SRBD1: variants seen among roughly 807,000 people sequenced by gnomAD.
The protein encoded by SRBD1 is S1 RNA-binding domain-containing protein 1.
In SRBD1, 88 loss-of-function variants were observed where a neutral mutation model predicts 115.3. The ratio of observed to expected loss-of-function variants is 0.76; its 90% CI spans 0.64 to 0.91. The LOEUF (loss-of-function observed/expected upper bound fraction) is 0.91, where lower values mean the gene tolerates loss of function less well. Among genes scored for constraint, SRBD1 ranks in the 40% least tolerant of loss-of-function variants. The probability of loss-of-function intolerance (pLI) is 0.00; values close to 1 mark genes in which losing one functional copy is unlikely to be tolerated. For synonymous variants in SRBD1, 509 were observed against 407.7 expected (o/e 1.25, Z -2.99); for missense variants, 1,385 against 1,177.4 (o/e 1.18, Z -2.58).
intron 14 of SRBD1, among the ~76,000 whole-genome samples, chr2:45,493,036 C>T (rs1370903325): frequency 6.6e-6 from 1 of 152,184 alleles, no homozygotes; most frequent in Admixed American, 6.5e-5. Context: ...TATTAGAATT[C>T]TTCAGGCTCT....
intron 16 of SRBD1, among the ~76,000 whole-genome samples, chr2:45,467,122 A>T (rs1427411774): frequency 6.6e-6 from 1 of 152,236 alleles, no homozygotes; most frequent in Non-Finnish European, 1.5e-5. Context: ...CTGGGAAGCA[A>T]GTGAAAGAAT....
chr2:45,590,743 G>A (rs1332955857), intron 4 of SRBD1, among the ~76,000 whole-genome samples: 1 of 152,162 alleles, frequency 6.6e-6, no homozygotes, highest in African/African-American at 2.4e-5. Context: ...CTGGCCAGGT[G>A]CGGTGGCTCA....
At chr2:45,574,757 A>G in intron 7 of SRBD1, 34 bp from the exon 8 acceptor site, 1 of 1,538,802 alleles carries the variant, frequency 6.5e-7, no homozygotes, top group Non-Finnish European at 8.9e-7. Flanking sequence ...AAACAAAAAC[A>G]AAAAGTATAC....
chr2:45,444,099 A>C (rs1668750268), intron 16 of SRBD1, among the ~76,000 whole-genome samples: 1 of 152,132 alleles, frequency 6.6e-6, no homozygotes, highest in African/African-American at 2.4e-5. Context: ...CAGTACTAAC[A>C]CCAGAACATA....
intron 16 of SRBD1, among the ~76,000 whole-genome samples, chr2:45,462,175 C>T (rs898598137): frequency 3.9e-5 from 6 of 152,190 alleles, no homozygotes; most frequent in African/African-American, 1.4e-4. Context: ...CAGCGAATCA[C>T]GCTGTGGTTA....
chr2:45,514,294 G>A (rs151204994), intron 14 of SRBD1, among the ~76,000 whole-genome samples: 7 of 152,126 alleles, frequency 4.6e-5, no homozygotes, highest in African/African-American at 1.4e-4. Flanking sequence ...TCAACGAAGT[G>A]GTGAAATAGT....
At chr2:45,448,688 T>G (rs2103734879) in intron 16 of SRBD1, among the ~76,000 whole-genome samples, 1 of 152,260 alleles carries the variant, frequency 6.6e-6, no homozygotes, top group Non-Finnish European at 1.5e-5. Context: ...AGATAACTAT[T>G]TTTCACCTCT....
chr2:45,449,283 T>G (rs1190237792), intron 16 of SRBD1, among the ~76,000 whole-genome samples: 3 of 152,202 alleles, frequency 2.0e-5, no homozygotes, highest in Non-Finnish European at 4.4e-5. Flanking sequence ...GTCTGCACAC[T>G]GAAACAGTTA....
intron 19 of SRBD1, among the ~76,000 whole-genome samples, chr2:45,410,898 T>TC (rs2103852776): frequency 6.6e-6 from 1 of 152,190 alleles, no homozygotes; most frequent in African/African-American, 2.4e-5. Flanking sequence ...CCATATACCT[T>TC]CCCCCTATAC....
At chr2:45,594,212 C>T (rs1673820754) in intron 4 of SRBD1, among the ~76,000 whole-genome samples, 1 of 152,142 alleles carries the variant, frequency 6.6e-6, no homozygotes, top group African/African-American at 2.4e-5. Flanking sequence ...ACTTCTTTCC[C>T]CAATTTTGTC....
chr2:45,587,883 T>A (rs541587016), intron 4 of SRBD1, among the ~76,000 whole-genome samples: 1 of 152,318 alleles, frequency 6.6e-6, no homozygotes, highest in African/African-American at 2.4e-5. Context: ...GTTATCTTCT[T>A]CTCAAACTTA....
chr2:45,583,739 T>C (rs750031681), intron 5 of SRBD1, among the ~76,000 whole-genome samples: 1 of 152,024 alleles, frequency 6.6e-6, no homozygotes, highest in Non-Finnish European at 1.5e-5. Context: ...CAAGAAAAAA[T>C]AAAGATCATA....
rs139338203 is a variant in SRBD1 at position 45,464,979 on chromosome 2, A to C, written c.2049+12014T>G. The stretch of plus-strand genomic sequence containing the variant: ...TGAGTACCAATACTCTGTTAAAAAG[A>C]AACTGTCATGGTTGAGATTGTACAC... On this transcript the variant is annotated intron_variant, in intron 16 of 20. Transcript: ENST00000263736. Among the ~76,000 whole-genome samples the C allele has an allele frequency of 5.1e-3, 770 of 151,402 alleles. 2 individuals carry two copies. Among genetic ancestry groups the C allele is most frequent in the African/African-American group, 0.011 (445 of 41,230 alleles).
intron 16 of SRBD1, among the ~76,000 whole-genome samples, chr2:45,457,235 ATTT>A (rs1365616854): frequency 5.3e-5 from 8 of 151,942 alleles, no homozygotes; most frequent in Admixed American, 4.6e-4. Context: ...TAACTGAATA[ATTT>A]TTGTCCACAC....
At chr2:45,534,793 T>A (rs779095623) in intron 14 of SRBD1, among the ~76,000 whole-genome samples, 1 of 151,850 alleles carries the variant, frequency 6.6e-6, no homozygotes, top group Non-Finnish European at 1.5e-5. Flanking sequence ...GCTAAATAGA[T>A]CTTAAGTTAT....
chr2:45,453,990 T>C (rs535208584), intron 16 of SRBD1, among the ~76,000 whole-genome samples: 47 of 152,068 alleles, frequency 3.1e-4, no homozygotes, highest in African/African-American at 9.9e-4. Context: ...TATTCCAACA[T>C]TCTTATATAC....
intron 16 of SRBD1, among the ~76,000 whole-genome samples, chr2:45,448,477 A>T (rs1456706350): frequency 6.6e-6 from 1 of 152,214 alleles, no homozygotes; most frequent in East Asian, 1.9e-4. Flanking sequence ...AGCATTAGGC[A>T]CAGAGCTGGA....
rs373500356 is a variant in SRBD1 at position 45,418,524 on chromosome 2, T to C, written c.2174A>G (p.Asn725Ser). ...AATAATATTTTTGGCCCTGTTGGCA[T>C]TGAGTCCTGCAATATGCCTAGAAAA... ...EVLLRHIAGL[N>S]ANRAKNIIEW... Residue 725 changes from asparagine to serine, a missense_variant, in exon 18 of 21, where the codon AAT becomes AGT. Physicochemically the swap from Asn to Ser is conservative, Grantham distance 46 (BLOSUM62 1). Coordinates refer to ENST00000263736, the MANE Select transcript of SRBD1 (RefSeq NM_018079.5). 24 of 1,613,370 alleles carry C rather than the reference T, an allele frequency of 1.5e-5. No homozygotes were observed. The highest frequency in any genetic ancestry group is 8.4e-5 in the Admixed American group (5 of 59,880).
Position 45,599,660 on chromosome 2 carries a change from TC to T in SRBD1, c.436del (p.Glu146ArgfsTer36). The T allele has an allele frequency of 6.2e-7, 1 of 1,614,230 alleles. No homozygotes were observed. Among genetic ancestry groups the T allele is most frequent in the Non-Finnish European group, 8.5e-7 (1 of 1,180,040 alleles). ...EEETSKASNLEGESNSSETPS... is the reference protein window; with the variant it reads ...EEETSKASNLXGESNSSETPS... Reference sequence around the variant, plus strand: ...TGTCTCTGAACTATTACTCTCACCCTCTAAGTTGCTGGCTTTGCTGGTTTCT... The same window carrying T: ...TGTCTCTGAACTATTACTCTCACCCTTAAGTTGCTGGCTTTGCTGGTTTCT... On this transcript the variant is annotated frameshift_variant, in exon 4 of 21. Coordinates refer to ENST00000263736, the MANE Select transcript of SRBD1 (RefSeq NM_018079.5). LOFTEE classifies it high-confidence loss of function.
Sources: allele counts gnomAD v4.1 joint callset (sites outside exome capture counted in the v4.1 genomes callset), GRCh38; gene constraint gnomAD v4.1.1; transcripts MANE v1.5; gene names NCBI Gene and HGNC (gene_info 2026-07-23, HGNC 2026-07-21).